The following CA10 variants were observed in gnomAD, a reference collection of about 807,000 sequenced individuals.
The protein encoded by CA10 is carbonic anhydrase 10 (inactive), also known as carbonic anhydrase-related protein 10.
In CA10, 14 loss-of-function variants were observed where a neutral mutation model predicts 44.2. The observed-to-expected ratio is 0.32, with a 90% CI of 0.21 to 0.50. The LOEUF is 0.50. Ranked by LOEUF, CA10 falls within the 20% of genes least tolerant of loss-of-function variation. The probability of loss-of-function intolerance (pLI) is 0.99; values close to 1 mark genes in which losing one functional copy is unlikely to be tolerated. For missense variants in CA10, 350 were observed against 409.7 expected (o/e 0.85, Z 1.26); for synonymous variants, 159 against 141.6 (o/e 1.12, Z -0.87).
intron 3 of CA10, among the ~76,000 whole-genome samples, chr17:51,760,067 C>T (rs1033584129): frequency 1.3e-5 from 2 of 152,126 alleles, no homozygotes; most frequent in Non-Finnish European, 2.9e-5. Flanking sequence ...AAATAACTCC[C>T]GATCTCCAGT....
chr17:51,931,540 C>G (rs1567890095), intron 2 of CA10, among the ~76,000 whole-genome samples: 1 of 152,190 alleles, frequency 6.6e-6, no homozygotes, highest in East Asian at 1.9e-4. Flanking sequence ...TCAACCTTAT[C>G]CTATTTGGAA....
chr17:51,735,051 A>G (rs940959238), intron 4 of CA10, among the ~76,000 whole-genome samples: 2 of 152,206 alleles, frequency 1.3e-5, no homozygotes, highest in Non-Finnish European at 2.9e-5. Flanking sequence ...CCCTTAACCC[A>G]TCTTCTTAGA....
At chr17:52,088,075 G>C (rs1567729112) in intron 1 of CA10, among the ~76,000 whole-genome samples, 1 of 152,178 alleles carries the variant, frequency 6.6e-6, no homozygotes, top group Non-Finnish European at 1.5e-5. Flanking sequence ...GGGCCTATTG[G>C]AGGATGGAGG....
chr17:51,707,780 C>T (rs1247246746), intron 4 of CA10, among the ~76,000 whole-genome samples: 2 of 151,234 alleles, frequency 1.3e-5, no homozygotes, highest in Non-Finnish European at 2.9e-5. Context: ...GAAGCTCTAC[C>T]ATTTTTCTGT....
chr17:52,081,527 G>A (rs1987976035), intron 1 of CA10, among the ~76,000 whole-genome samples: 1 of 152,156 alleles, frequency 6.6e-6, no homozygotes, highest in Non-Finnish European at 1.5e-5. Flanking sequence ...GCGGCCGGGC[G>A]CGGTGGCTCA....
At chr17:51,649,893 T>G (rs1358002179) in intron 5 of CA10, among the ~76,000 whole-genome samples, 1 of 106,980 alleles carries the variant, frequency 9.3e-6, no homozygotes, top group Non-Finnish European at 2.2e-5. Context: ...AAAAAAAAAC[T>G]GAAAAGTATC....
At chr17:51,818,408 T>A (rs1041656800) in intron 3 of CA10, among the ~76,000 whole-genome samples, 1 of 152,230 alleles carries the variant, frequency 6.6e-6, no homozygotes, top group South Asian at 2.1e-4. Context: ...CAGCACATCG[T>A]AGAATGATGT....
intron 3 of CA10, among the ~76,000 whole-genome samples, chr17:51,809,610 C>T (rs1052485672): frequency 3.9e-5 from 6 of 152,168 alleles, no homozygotes; most frequent in Non-Finnish European, 8.8e-5. Context: ...ATGATACAGA[C>T]GACGGATGCT....
intron 1 of CA10, among the ~76,000 whole-genome samples, chr17:52,155,857 T>G (rs1054953649): frequency 1.3e-5 from 2 of 152,216 alleles, no homozygotes; most frequent in Non-Finnish European, 2.9e-5. Context: ...CCTCCTGAGT[T>G]GGAAATCCCC....
chr17:51,801,361 T>C (rs1245784197), intron 3 of CA10, among the ~76,000 whole-genome samples: 3 of 152,124 alleles, frequency 2.0e-5, no homozygotes, highest in Non-Finnish European at 4.4e-5. Context: ...GGAGAATTAT[T>C]TTCTCCCTCT....
At chr17:51,959,797 G>GAAAAAAAAAAAAAAAAAAAAAGAAAAA (rs3062037) in intron 2 of CA10, among the ~76,000 whole-genome samples, 2 of 112,372 alleles carry the variant, frequency 1.8e-5, no homozygotes, top group Non-Finnish European at 3.5e-5. Context: ...CTGCTAAGAT[G>GAAAAAAAAAAAAAAAAAAAAAGAAAAA]AAAAAAAAAA....
At chr17:51,687,626 C>A (rs1053237537) in intron 4 of CA10, among the ~76,000 whole-genome samples, 5 of 152,100 alleles carry the variant, frequency 3.3e-5, no homozygotes, top group Non-Finnish European at 7.4e-5. Flanking sequence ...TTTTGTCAAT[C>A]CATAGTGAAA....
rs755733295 is a variant in CA10 at position 52,072,311 on chromosome 17, G to C, written c.136+8C>G. ...AATAAATAAATTAAAGAATTAATGT[G>C]TACTTACCTGGAACAAAGCTTCCCT... is the stretch of plus-strand genomic sequence containing the variant. On this transcript the variant is annotated splice_region_variant and intron_variant, in intron 2 of 8. Transcript: ENST00000451037. 5.7e-6 allele frequency: 9 copies of C among 1,573,312 alleles called. No individual in the cohort carries two copies. Among genetic ancestry groups the C allele is most frequent in the South Asian group, 1.1e-5 (1 of 90,104 alleles).
chr17:51,655,153 A>G (rs1176515366), intron 4 of CA10, among the ~76,000 whole-genome samples: 1 of 152,210 alleles, frequency 6.6e-6, no homozygotes, highest in Non-Finnish European at 1.5e-5. Flanking sequence ...TTCTAAGCCA[A>G]TGCATATAGA....
At chr17:51,929,985 A>T (rs1982586832) in intron 3 of CA10, among the ~76,000 whole-genome samples, 1 of 152,154 alleles carries the variant, frequency 6.6e-6, no homozygotes, top group Admixed American at 6.6e-5. Flanking sequence ...CAGCTTTTTG[A>T]TGAGTCATTA....
At chr17:51,983,334 A>T (rs1229152321) in intron 2 of CA10, among the ~76,000 whole-genome samples, 7 of 151,812 alleles carry the variant, frequency 4.6e-5, no homozygotes, top group Admixed American at 6.6e-5. Context: ...CCTAAAAACA[A>T]ATTGGGGATT....
chr17:51,983,998 T>A, intron 2 of CA10, among the ~76,000 whole-genome samples: 1 of 151,786 alleles, frequency 6.6e-6, no homozygotes, highest in East Asian at 1.9e-4. Context: ...AGAGTTGACT[T>A]TGAATAGTAT....
chr17:51,774,606 AT>A (rs1041887139), intron 3 of CA10, among the ~76,000 whole-genome samples: 1 of 150,764 alleles, frequency 6.6e-6, no homozygotes, highest in African/African-American at 2.4e-5. Context: ...CATCCGGCTA[AT>A]TTTTTTTTGT....
At chr17:51,663,886 T>C (rs564404423) in intron 4 of CA10, among the ~76,000 whole-genome samples, 6 of 152,232 alleles carry the variant, frequency 3.9e-5, no homozygotes, top group Admixed American at 2.0e-4. Flanking sequence ...CTTTATCTTA[T>C]TGTCAGATGA....
Sources: gnomAD v4.1 joint callset for allele counts (sites outside exome capture counted in the v4.1 genomes callset) on GRCh38, gnomAD v4.1.1 for gene constraint, MANE v1.5 for transcripts, NCBI Gene and HGNC (gene_info 2026-07-23, HGNC 2026-07-21) for gene names.